MAGI2: variants seen among roughly 807,000 people sequenced by gnomAD.
MAGI2 encodes the protein membrane-associated guanylate kinase, WW and PDZ domain-containing protein 2.
In MAGI2, 35 loss-of-function variants were observed where a neutral mutation model predicts 133.3. That is an observed-to-expected ratio of 0.26 (90% CI 0.20 to 0.35). The LOEUF (loss-of-function observed/expected upper bound fraction) is 0.35, where lower values mean the gene tolerates loss of function less well. Among genes scored for constraint, MAGI2 ranks in the 10% least tolerant of loss-of-function variants. The pLI is 1.00. For synonymous variants in MAGI2, 729 were observed against 710.6 expected (o/e 1.03, Z -0.41); for missense variants, 1,636 against 1,863.4 (o/e 0.88, Z 2.25).
At chr7:79,382,408 T>C (rs848944) in intron 1 of MAGI2, among the ~76,000 whole-genome samples, 24,827 of 151,448 alleles carry the variant, frequency 0.16, 2,392 homozygotes, top group African/African-American at 0.26. Flanking sequence ...AGGATGTAAA[T>C]CTCATTGCAT....
At chr7:78,634,185 T>C (rs970628979) in intron 2 of MAGI2, among the ~76,000 whole-genome samples, 1 of 152,224 alleles carries the variant, frequency 6.6e-6, no homozygotes, top group Non-Finnish European at 1.5e-5. Context: ...GATTACACAG[T>C]AAGATGTAGT....
At chr7:78,095,583 C>T (rs1187139274) in intron 20 of MAGI2, among the ~76,000 whole-genome samples, 5 of 152,206 alleles carry the variant, frequency 3.3e-5, no homozygotes. Flanking sequence ...AATCATAAGT[C>T]TCCCATGGAG....
intron 2 of MAGI2, among the ~76,000 whole-genome samples, chr7:78,879,791 C>G (rs1795705392): frequency 6.6e-6 from 1 of 151,884 alleles, no homozygotes; most frequent in African/African-American, 2.4e-5. Context: ...TGCAAAGAAG[C>G]TTAATGAGAT....
chr7:79,004,788 G>T (rs1176167991), intron 2 of MAGI2, among the ~76,000 whole-genome samples: 2 of 152,014 alleles, frequency 1.3e-5, no homozygotes, highest in African/African-American at 4.8e-5. Context: ...TTTTTTAAAG[G>T]TATACTGAGT....
chr7:79,216,665 A>G (rs1373854759), intron 1 of MAGI2, among the ~76,000 whole-genome samples: 1 of 152,046 alleles, frequency 6.6e-6, no homozygotes, highest in African/African-American at 2.4e-5. Flanking sequence ...CAGATGAGCC[A>G]CACCCCTGTT....
intron 1 of MAGI2, among the ~76,000 whole-genome samples, chr7:79,131,386 C>T (rs1820926191): frequency 1.3e-5 from 2 of 152,206 alleles, no homozygotes; most frequent in Admixed American, 1.3e-4. Context: ...TGAATAATGG[C>T]ACACAAACCT....
intron 9 of MAGI2, among the ~76,000 whole-genome samples, chr7:78,332,724 G>A (rs1789358808): frequency 6.6e-6 from 1 of 150,918 alleles, no homozygotes; most frequent in Non-Finnish European, 1.5e-5. Context: ...AAAAAGGAGA[G>A]TAGTGGCTAG....
chr7:78,168,941 A>G (rs1213748885), intron 14 of MAGI2, among the ~76,000 whole-genome samples: 1 of 152,150 alleles, frequency 6.6e-6, no homozygotes, highest in African/African-American at 2.4e-5. Context: ...TTTTTGTTCT[A>G]TTCTTTTGAA....
intron 2 of MAGI2, among the ~76,000 whole-genome samples, chr7:78,713,190 T>C (rs1496780): frequency 0.37 from 56,674 of 151,990 alleles, 10,812 homozygotes; most frequent in Middle Eastern, 0.44. Flanking sequence ...ACCTTGAATT[T>C]AGTCTCCTAT....
chr7:79,223,765 TAC>T (rs1717293999), intron 1 of MAGI2, among the ~76,000 whole-genome samples: 1 of 152,086 alleles, frequency 6.6e-6, no homozygotes, highest in Non-Finnish European at 1.5e-5. Context: ...GTAGCTCTGG[TAC>T]ACAGTCTGCT....
rs774811360 is a variant in MAGI2, at chr7:78,312,920, CAT to C, written c.1408+30856_1408+30857del. ...AAATATTATATCAAAAAGATATCTG[CAT>C]ATATATATATATTTTATATATATGT... On this transcript the variant is annotated intron_variant, in intron 9 of 21. Transcript: ENST00000354212. Among the ~76,000 whole-genome samples, 271 of 148,696 alleles carry C rather than the reference CAT, an allele frequency of 1.8e-3. 1 individual carries two copies. In the East Asian group the frequency reaches 0.037, roughly 20 times the overall value.
chr7:78,041,697 C>G (rs1810864610), intron 21 of MAGI2, among the ~76,000 whole-genome samples: 1 of 152,112 alleles, frequency 6.6e-6, no homozygotes, highest in African/African-American at 2.4e-5. Context: ...CAAAACAAAA[C>G]AAAACCAAAA....
chr7:78,428,385 T>C (rs554972357), intron 6 of MAGI2, among the ~76,000 whole-genome samples: 1 of 152,296 alleles, frequency 6.6e-6, no homozygotes, highest in Non-Finnish European at 1.5e-5. Context: ...ATCTTGAAAA[T>C]AAGAATCCTT....
At chr7:79,216,098 T>C (rs1171814899) in intron 1 of MAGI2, among the ~76,000 whole-genome samples, 1 of 151,454 alleles carries the variant, frequency 6.6e-6, no homozygotes, top group African/African-American at 2.4e-5. Context: ...CATATAAACC[T>C]CAAACCCAAG....
chr7:78,367,451 G>C (rs912645395), intron 7 of MAGI2, among the ~76,000 whole-genome samples: 5 of 152,208 alleles, frequency 3.3e-5, no homozygotes, highest in African/African-American at 1.2e-4. Flanking sequence ...GGCAAGATTT[G>C]ACCAGCTGCC....
intron 2 of MAGI2, among the ~76,000 whole-genome samples, chr7:78,754,797 A>T (rs2151286377): frequency 6.6e-6 from 1 of 152,346 alleles, no homozygotes; most frequent in Non-Finnish European, 1.5e-5. Context: ...ACTTCTGTTG[A>T]CTAAGTCAGC....
In MAGI2 at chr7:78,964,123, A is replaced by G. The variant is rs185365665; in HGVS notation, c.418+42967T>C. Among the ~76,000 whole-genome samples, 287 of 151,914 alleles carry G rather than the reference A, an allele frequency of 1.9e-3. 1 individual carries two copies. The highest frequency in any genetic ancestry group is 3.9e-3 in the Admixed American group (59 of 15,244). On this transcript the variant is annotated intron_variant, in intron 2 of 21. Transcript: ENST00000354212. ...ACTTTCCTTCTAATACATTTATAAA[A>G]GGGGCATCTACGCTCTTTTTTTTTC...
chr7:78,288,546 C>A (rs373265012), intron 9 of MAGI2, among the ~76,000 whole-genome samples: 1 of 152,134 alleles, frequency 6.6e-6, no homozygotes, highest in Non-Finnish European at 1.5e-5. Context: ...CCCCAGCAGG[C>A]GCAATGCAGA....
At chr7:78,656,545 T>C (rs1452107103) in intron 2 of MAGI2, among the ~76,000 whole-genome samples, 3 of 151,664 alleles carry the variant, frequency 2.0e-5, no homozygotes, top group Non-Finnish European at 4.4e-5. Flanking sequence ...CTGGGGGAAA[T>C]GGGGAGATGC....
Sources: allele counts gnomAD v4.1 joint callset (sites outside exome capture counted in the v4.1 genomes callset), GRCh38; gene constraint gnomAD v4.1.1; transcripts MANE v1.5; gene names NCBI Gene and HGNC (gene_info 2026-07-23, HGNC 2026-07-21).